MUSK: variants seen among roughly 807,000 people sequenced by gnomAD.
MUSK encodes muscle associated receptor tyrosine kinase.
MUSK carries 55 observed loss-of-function variants against 88.7 expected under a neutral mutation model. That is an observed-to-expected ratio of 0.62 (90% CI 0.50 to 0.78). The LOEUF (loss-of-function observed/expected upper bound fraction) is 0.78. MUSK is among the 30% of genes least tolerant of loss of function. The pLI is 0.00. For missense variants in MUSK, 1,015 were observed against 1,074.3 expected (o/e 0.94, Z 0.77); for synonymous variants, 387 against 391.9 (o/e 0.99, Z 0.15).
At position 110,747,630 on chromosome 9, in the gene MUSK, TA is replaced by T. The variant is rs1459878022; in HGVS notation, c.754-10del. On this transcript the variant is annotated splice_polypyrimidine_tract_variant and intron_variant, in intron 6 of 14. Transcript: ENST00000374448. ...TTGACTGAGTTCTTTTATTTTCCTT[TA>T]CTCTGTCAGGTTTCTTCTGGGTCCA... The T allele has an allele frequency of 6.2e-7, 1 of 1,605,908 alleles. No individual in the cohort carries two copies. Among genetic ancestry groups the T allele is most frequent in the East Asian group, 2.2e-5 (1 of 44,668 alleles).
intron 2 of MUSK, among the ~76,000 whole-genome samples, chr9:110,683,982 T>C (rs1192721074): frequency 6.6e-6 from 1 of 152,124 alleles, no homozygotes; most frequent in Non-Finnish European, 1.5e-5. Flanking sequence ...GCCTTTTAAC[T>C]TGATGTGATC....
chr9:110,753,354 C>T (rs2077271055), intron 7 of MUSK, among the ~76,000 whole-genome samples: 1 of 151,638 alleles, frequency 6.6e-6, no homozygotes, highest in Admixed American at 6.6e-5. Context: ...GTCACTTGCA[C>T]CTGGGAGATG....
intron 14 of MUSK, among the ~76,000 whole-genome samples, chr9:110,789,865 G>A (rs952400115): frequency 1.4e-4 from 21 of 152,140 alleles, no homozygotes; most frequent in African/African-American, 5.1e-4. Flanking sequence ...GGATATGGAG[G>A]CCTAGAGTTC....
At chr9:110,755,967 T>TATATATATATATACATACATATATAC (rs1564268908) in intron 7 of MUSK, among the ~76,000 whole-genome samples, 1 of 58,810 alleles carries the variant, frequency 1.7e-5, no homozygotes, top group East Asian at 5.3e-4. Flanking sequence ...TATATATACA[T>TATATATATATATACATACATATATAC]ATATATATAT....
At chr9:110,732,324 T>C (rs186834546) in intron 5 of MUSK, among the ~76,000 whole-genome samples, 1 of 152,136 alleles carries the variant, frequency 6.6e-6, no homozygotes, top group Non-Finnish European at 1.5e-5. Context: ...GCACATGGAC[T>C]CTAAGTCTCC....
intron 5 of MUSK, among the ~76,000 whole-genome samples, chr9:110,723,592 A>C (rs943082799): frequency 6.6e-6 from 1 of 152,052 alleles, no homozygotes; most frequent in Non-Finnish European, 1.5e-5. Flanking sequence ...CAACAATGTC[A>C]AATTGTTTGT....
intron 1 of MUSK, among the ~76,000 whole-genome samples, chr9:110,676,116 C>A (rs1020398892): frequency 1.1e-4 from 16 of 151,802 alleles, no homozygotes; most frequent in African/African-American, 3.6e-4. Context: ...ACTTCTTTGG[C>A]ATTCTATCTG....
rs55786136 is a variant in MUSK, at chr9:110,687,230, G to A, written c.320G>A (p.Gly107Glu). Residue 107 changes from glycine (G) to glutamate (E), a missense_variant, in exon 3 of 15, where the codon GGA (glycine) becomes GAA (glutamate). Gly to Glu is a moderately conservative substitution (Grantham distance 98). Coordinates refer to ENST00000374448, the MANE Select transcript of MUSK (RefSeq NM_005592.4). The part of the protein sequence containing the change: ...YCCTANNGVG[G>E]AVESCGALQV... ...TGCACGGCCAACAATGGTGTGGGAG[G>A]AGCTGTGGAGAGTTGTGGAGCCCTG... 3.3e-3 allele frequency: 5,265 copies of A among 1,613,842 alleles called. 11 individuals are homozygous for A. Among genetic ancestry groups the A allele is most frequent in the Middle Eastern group, 4.8e-3 (29 of 6,058 alleles).
At chr9:110,755,197 T>C (rs1227836955) in intron 7 of MUSK, among the ~76,000 whole-genome samples, 2 of 152,160 alleles carry the variant, frequency 1.3e-5, no homozygotes, top group Non-Finnish European at 2.9e-5. Context: ...TATAAAGAAA[T>C]TTCACAAAGA....
chr9:110,755,106 T>C (rs1001012191), intron 7 of MUSK, among the ~76,000 whole-genome samples: 4 of 152,220 alleles, frequency 2.6e-5, no homozygotes, highest in African/African-American at 9.6e-5. Context: ...CAGCAAATTA[T>C]CTCGCAGTTG....
chr9:110,688,835 G>T (rs1030011569), intron 3 of MUSK, among the ~76,000 whole-genome samples: 1 of 151,060 alleles, frequency 6.6e-6, no homozygotes. Context: ...TGGTGTTTAG[G>T]TACCACATTT....
At chr9:110,744,357 A>G (rs1404935592) in intron 6 of MUSK, among the ~76,000 whole-genome samples, 1 of 152,192 alleles carries the variant, frequency 6.6e-6, no homozygotes, top group African/African-American at 2.4e-5. Context: ...TACCTTTCAG[A>G]GGTCTTCCCT....
At position 110,697,452 on chromosome 9, in the gene MUSK, A is replaced by C; in HGVS notation, c.614A>C (p.Lys205Thr). The C allele has an allele frequency of 6.2e-7, 1 of 1,608,210 alleles. No homozygotes were observed. The highest frequency in any genetic ancestry group is 1.1e-5 in the South Asian group (1 of 89,852). ...SLGTAYSKVV[K>T]LEVEVFARIL... ...GGGACAGCATATTCCAAAGTGGTGA[A>C]GCTGGAAGTTGAGGGTAAGGAGCTG... Residue 205 changes from lysine to threonine, a missense_variant, in exon 5 of 15, where the codon AAG becomes ACG. Physicochemically the swap from Lys to Thr is moderately conservative, Grantham distance 78. Transcript: ENST00000374448.
At chr9:110,779,509 C>T (rs1230402467) in intron 11 of MUSK, among the ~76,000 whole-genome samples, 1 of 152,104 alleles carries the variant, frequency 6.6e-6, no homozygotes, top group African/African-American at 2.4e-5. Flanking sequence ...TCTTTTGCAA[C>T]TGACTTCCAA....
intron 1 of MUSK, among the ~76,000 whole-genome samples, chr9:110,677,722 T>A (rs1268821258): frequency 6.6e-6 from 1 of 152,194 alleles, no homozygotes; most frequent in Admixed American, 6.5e-5. Flanking sequence ...TGTAGTTTTT[T>A]TTTATTCCTA....
intron 1 of MUSK, among the ~76,000 whole-genome samples, chr9:110,674,461 G>A (rs983617395): frequency 1.3e-5 from 2 of 152,098 alleles, no homozygotes; most frequent in South Asian, 4.1e-4. Context: ...CAAAACTTGT[G>A]TGCCTCAATC....
chr9:110,785,653 A>G lies in MUSK; in HGVS notation c.1713A>G (p.Pro571=), dbSNP rs2077844089. 6.2e-7 allele frequency: 1 copy of G among 1,613,278 alleles called. No individual in the cohort carries two copies. The highest frequency in any genetic ancestry group is 1.7e-5 in the Admixed American group (1 of 59,966). ...LNPKLLSLEY[P]RNNIEYVRDI... ...CCAAATTGCTCAGCCTGGAGTATCCAAGGAATAACATTGAATATGTGAGAG... is the reference window on the plus strand; with the variant it reads ...CCAAATTGCTCAGCCTGGAGTATCCGAGGAATAACATTGAATATGTGAGAG... The change falls in exon 13 of 15, where the codon CCA becomes CCG. Residue 571 remains proline (P), a synonymous_variant. Transcript: ENST00000374448.
intron 7 of MUSK, among the ~76,000 whole-genome samples, chr9:110,754,913 G>A (rs1045105318): frequency 3.3e-5 from 5 of 151,998 alleles, no homozygotes; most frequent in East Asian, 1.9e-4. Context: ...CCTCTAGCCC[G>A]GTTCACTAAA....
intron 3 of MUSK, among the ~76,000 whole-genome samples, chr9:110,689,543 TTA>T (rs1283667379): frequency 9.5e-6 from 1 of 105,262 alleles, no homozygotes; most frequent in Non-Finnish European, 1.7e-5. Flanking sequence ...AAATATATAG[TTA>T]TATATATTTA....
Sources: allele counts gnomAD v4.1 joint callset (sites outside exome capture counted in the v4.1 genomes callset), GRCh38; gene constraint gnomAD v4.1.1; transcripts MANE v1.5; gene names NCBI Gene and HGNC (gene_info 2026-07-23, HGNC 2026-07-21).